The following F8 variants were observed in gnomAD, a reference collection of about 807,000 sequenced individuals.
F8 encodes antihemophilic factor.
F8 carries 12 observed loss-of-function variants against 140.6 expected under a neutral mutation model. The observed-to-expected ratio is 0.09, with a 90% CI of 0.05 to 0.14. The LOEUF (loss-of-function observed/expected upper bound fraction) is 0.14, where lower values mean the gene tolerates loss of function less well. Ranked by LOEUF, F8 falls within the 10% of genes least tolerant of loss-of-function variation. The pLI, the probability that F8 is intolerant of heterozygous loss-of-function variation, is 1.00. For missense variants in F8, 1,354 were observed against 1,720.7 expected, an observed-to-expected ratio of 0.79 and a Z score of 3.77; for synonymous variants, 585 against 614.6, an observed-to-expected ratio of 0.95 and a Z score of 0.71.
chrX:154,910,154 G>A lies in F8; in HGVS notation c.5220-3581C>T, dbSNP rs1647295369. On this transcript the variant is annotated intron_variant, in intron 14 of 25. Transcript: ENST00000360256. ...GAGACATGTGCGGTGTTGAGTCAAG[G>A]TTTAATGGATTTAGGGCTATGCAGG... Among the ~76,000 whole-genome samples, 3 of 111,556 alleles carry A rather than the reference G, an allele frequency of 2.7e-5. No individual in the cohort carries two copies. In the South Asian group the frequency reaches 1.1e-3, roughly 42 times the overall value.
chrX:155,002,856 TTC>T (rs1185241517), intron 1 of F8, among the ~76,000 whole-genome samples: 2 of 112,084 alleles, frequency 1.8e-5, no homozygotes, highest in Admixed American at 9.5e-5. Context: ...ATTCATTATT[TTC>T]TGTTTTAGTT....
chrX:154,906,558 A>G lies in F8; in HGVS notation c.5235T>C (p.Ser1745=). Reference sequence around the variant, plus strand: ...AAACAACTTTCTTGAACTGAGGGACACTGCCACTCTGAGCCCTGGAGAAAA... The same window carrying G: ...AAACAACTTTCTTGAACTGAGGGACGCTGCCACTCTGAGCCCTGGAGAAAA... ...HVLRNRAQSG[S]VPQFKKVVFQ... The change falls in exon 15 of 26, where the codon AGT becomes AGC. Residue 1745 remains serine, a synonymous_variant. Coordinates refer to ENST00000360256, the MANE Select transcript of F8 (RefSeq NM_000132.4). 2 of 1,210,966 alleles carry G rather than the reference A, an allele frequency of 1.7e-6. No individual in the cohort carries two copies. The highest frequency in any genetic ancestry group is 2.2e-6 in the Non-Finnish European group (2 of 894,914).
In F8 at chrX:154,960,515, T is replaced by A. The variant is rs781967925; in HGVS notation, c.1537+560A>T. Among the ~76,000 whole-genome samples, 38 of 110,444 alleles carry A rather than the reference T, an allele frequency of 3.4e-4. 1 individual carries two copies. In the South Asian group the frequency reaches 5.8e-3, roughly 17 times the overall value. ...ATATAGTAAATAAAAACTGGAGTTGTGAACTATTTAGAAATGAATATGCGA... is the reference window on the plus strand; with the variant it reads ...ATATAGTAAATAAAAACTGGAGTTGAGAACTATTTAGAAATGAATATGCGA... On this transcript the variant is annotated intron_variant, in intron 10 of 25. Transcript: ENST00000360256.
At chrX:155,003,426 TG>T (rs2073658835) in intron 1 of F8, among the ~76,000 whole-genome samples, 1 of 94,559 alleles carries the variant, frequency 1.1e-5, no homozygotes. Context: ...AAAAAAAGAC[TG>T]AAAAAAAAAA....
At chrX:154,865,360 CAG>C (rs2072724036) in intron 22 of F8, among the ~76,000 whole-genome samples, 1 of 109,150 alleles carries the variant, frequency 9.2e-6, no homozygotes, top group Admixed American at 9.8e-5. Context: ...AAAAAAAAAA[CAG>C]TAACACAAAA....
chrX:154,962,869 A>AAG lies in F8; in HGVS notation c.1444-1703_1444-1702dup, dbSNP rs782347888. Among the ~76,000 whole-genome samples, 23 of 100,838 alleles carry AAG rather than the reference A, an allele frequency of 2.3e-4. 1 individual carries two copies. The highest frequency in any genetic ancestry group is 3.9e-4 in the African/African-American group (10 of 25,768). 87.6% of individuals were successfully genotyped at this position (100,838 alleles called of 115,157 possible). A position where few individuals can be genotyped will look rare whatever the true frequency, so the allele number is the denominator to read the frequency against. The stretch of plus-strand genomic sequence containing the variant: ...GGGTGACAGAATGAGACCCTATCTC[A>AAG]AGAGAGAGAGAGAGAGACAGAGACG... On this transcript the variant is annotated intron_variant, in intron 9 of 25. Coordinates refer to ENST00000360256, the MANE Select transcript of F8 (RefSeq NM_000132.4).
rs139150424 is a variant in F8 at position 154,857,545 on chromosome X, G to A, written c.6900+2887C>T. ...GTACTACACAAAAGTGGACAGTCCCGATCTGAGATACCCATGAAGGACAGT... is the reference window on the plus strand; with the variant it reads ...GTACTACACAAAAGTGGACAGTCCCAATCTGAGATACCCATGAAGGACAGT... On this transcript the variant is annotated intron_variant, in intron 25 of 25. Transcript: ENST00000360256. 2.3e-3 allele frequency among the ~76,000 whole-genome samples: 253 copies of A among 111,819 alleles called. 1 individual carries two copies. Among genetic ancestry groups the A allele is most frequent in the African/African-American group, 7.4e-3 (229 of 30,791 alleles).
intron 13 of F8, among the ~76,000 whole-genome samples, chrX:154,946,633 A>G (rs1173748072): frequency 8.9e-6 from 1 of 111,817 alleles, no homozygotes; most frequent in Non-Finnish European, 1.9e-5. Flanking sequence ...GGAAGAAAAC[A>G]TTGGGGGAAT....
At chrX:154,867,978 C>T (rs188365052) in intron 22 of F8, among the ~76,000 whole-genome samples, 222 of 111,356 alleles carry the variant, frequency 2.0e-3, no homozygotes, top group Non-Finnish European at 3.6e-3. Context: ...AAGAATTTGA[C>T]AAAACTAGAT....
chrX:154,976,567 C>T (rs1423974408), intron 6 of F8, among the ~76,000 whole-genome samples: 3 of 109,108 alleles, frequency 2.7e-5, no homozygotes, highest in African/African-American at 1.0e-4. Flanking sequence ...AATGCTATCC[C>T]TCCCCCTTCC....
chrX:155,012,398 A>G (rs1557286645), intron 1 of F8, among the ~76,000 whole-genome samples: 2 of 110,902 alleles, frequency 1.8e-5, no homozygotes, highest in African/African-American at 6.6e-5. Flanking sequence ...GCAGCCTTGA[A>G]CTCTTGGGCT....
chrX:154,929,613 G>T lies in F8; in HGVS notation c.4177C>A (p.Leu1393Ile). The change falls in exon 14 of 26, where the codon CTT (leucine) becomes ATT (isoleucine). Residue 1393 changes from leucine to isoleucine, a missense_variant. By Grantham distance (5) the Leu-to-Ile change is conservative (BLOSUM62 2). Transcript: ENST00000360256. Reference protein sequence around the residue: ...AITQSPLSDCLTRSHSIPQAN... With the variant: ...AITQSPLSDCITRSHSIPQAN... ...TGAGGGATGCTATGACTCCTCGTAA[G>T]GCAATCTGATAAGGGAGACTGAGTA... 8.3e-7 allele frequency: 1 copy of T among 1,211,170 alleles called. No individual in the cohort carries two copies. The highest frequency in any genetic ancestry group is 1.1e-6 in the Non-Finnish European group (1 of 895,106).
At chrX:154,856,771 G>A (rs1174876654) in intron 25 of F8, among the ~76,000 whole-genome samples, 1 of 111,796 alleles carries the variant, frequency 8.9e-6, no homozygotes. Context: ...GGGACATATG[G>A]CCTTTCTATC....
At chrX:154,947,117 C>T (rs1439268775) in intron 13 of F8, among the ~76,000 whole-genome samples, 1 of 103,826 alleles carries the variant, frequency 9.6e-6, no homozygotes, top group African/African-American at 3.5e-5. Flanking sequence ...CCCAGCTACT[C>T]GGGAGGCTGA....
rs781954986 is a variant in F8 at position 154,966,679 on chromosome X, C to T, written c.1018G>A (p.Glu340Lys). Reference sequence around the variant, plus strand: ...CAGCTGTCTACTTTGACATAAGCTTCCATGCCATCTGGAGTCAGACAAACC... The same window carrying T: ...CAGCTGTCTACTTTGACATAAGCTTTCATGCCATCTGGAGTCAGACAAACC... Reference protein sequence around the residue: ...HISSHQHDGMEAYVKVDSCPE... With the variant: ...HISSHQHDGMKAYVKVDSCPE... The change falls in exon 8 of 26, where the codon GAA becomes AAA. Residue 340 changes from glutamate (E) to lysine (K), a missense_variant. Physicochemically the swap from Glu to Lys is moderately conservative, Grantham distance 56. This residue lies in a region of F8 where 252 missense variants were observed against 338.5 expected (regional missense o/e 0.74). Coordinates refer to ENST00000360256, the MANE Select transcript of F8 (RefSeq NM_000132.4). 7.6e-5 allele frequency: 92 copies of T among 1,209,437 alleles called. No homozygotes were observed. The South Asian group carries it at 1.4e-3, about 18-fold the overall frequency.
chrX:155,022,293 TC>T (rs1557287565), intron 1 of F8, 116 bp downstream of exon 1: 3 of 771,825 alleles, frequency 3.9e-6, no homozygotes, highest in East Asian at 6.3e-5. Flanking sequence ...CAGAAATGTT[TC>T]TTTGGGGCCC....
At position 154,929,104 on chromosome X, in the gene F8, T is replaced by C. The variant is rs782556145; in HGVS notation, c.4686A>G (p.Lys1562=). ...IKWNEANRPG[K]VPFLRVATES... Reference sequence around the variant, plus strand: ...CTGTTGCTACTCTCAGAAAGGGAACTTTTCCAGGTCTGTTTGCTTCATTCC... The same window carrying C: ...CTGTTGCTACTCTCAGAAAGGGAACCTTTCCAGGTCTGTTTGCTTCATTCC... The change falls in exon 14 of 26, where the codon AAA becomes AAG. Residue 1562 remains lysine (K), a synonymous_variant. Transcript: ENST00000360256. 8.3e-7 allele frequency: 1 copy of C among 1,209,813 alleles called. No individual in the cohort carries two copies. The highest frequency in any genetic ancestry group is 3.0e-5 in the East Asian group (1 of 33,769).
At chrX:154,882,005 AC>A (rs1186698834) in intron 22 of F8, 1 of 283,729 alleles carries the variant, frequency 3.5e-6, no homozygotes, top group Non-Finnish European at 6.0e-6. Flanking sequence ...CTGTGTCCCC[AC>A]CCAAATCTCA....
chrX:154,901,472 T>C, intron 19 of F8, 30 bp from the exon 20 acceptor site: 1 of 985,733 alleles, frequency 1.0e-6, no homozygotes, highest in Non-Finnish European at 1.5e-6. Flanking sequence ...ACACAGTAAC[T>C]AGAAGTGCAC....
Sources: allele counts gnomAD v4.1 joint callset (sites outside exome capture counted in the v4.1 genomes callset), GRCh38; gene constraint gnomAD v4.1.1; regional missense constraint gnomAD v4.1.1; transcripts MANE v1.5; gene names NCBI Gene and HGNC (gene_info 2026-07-23, HGNC 2026-07-21).